Variants in ARK2C observed in about 807,000 individuals in gnomAD.
ARK2C encodes the protein E3 ubiquitin-protein ligase ARK2C.
the ARK2C span, among the ~76,000 whole-genome samples, chr18:46,419,919 A>C: frequency 6.6e-6 from 1 of 151,374 alleles, no homozygotes; most frequent in African/African-American, 2.4e-5. Context: ...TTCCTTTCTC[A>C]TGTATTTCCA....
the ARK2C span, among the ~76,000 whole-genome samples, chr18:46,400,217 C>T: frequency 6.6e-6 from 1 of 152,220 alleles, no homozygotes; most frequent in African/African-American, 2.4e-5. Flanking sequence ...ATGGGCTCTG[C>T]TCCTATACCC....
chr18:46,364,983 GT>G, the ARK2C span, among the ~76,000 whole-genome samples: 153 of 152,290 alleles, frequency 1.0e-3, 1 homozygote, highest in African/African-American at 3.4e-3. Context: ...TCAGAGGTCT[GT>G]TTCTCCCTCT....
the ARK2C span, among the ~76,000 whole-genome samples, chr18:46,454,176 A>T: frequency 6.6e-6 from 1 of 151,226 alleles, no homozygotes; most frequent in East Asian, 1.9e-4. Flanking sequence ...AGATATATAG[A>T]TTAGACAGCA....
the ARK2C span, among the ~76,000 whole-genome samples, chr18:46,417,488 C>A: frequency 1.3e-5 from 2 of 152,230 alleles, no homozygotes; most frequent in African/African-American, 4.8e-5. Flanking sequence ...GCCCAGAAAG[C>A]ACTTTGCCTG....
At chr18:46,447,893 G>A in the ARK2C span, among the ~76,000 whole-genome samples, 13 of 139,050 alleles carry the variant, frequency 9.3e-5, no homozygotes, top group Non-Finnish European at 1.5e-4. Flanking sequence ...GCCTTCTTGT[G>A]TCCTGGCTCC....
chr18:46,394,734 T>C, the ARK2C span, among the ~76,000 whole-genome samples: 2 of 152,252 alleles, frequency 1.3e-5, no homozygotes, highest in Admixed American at 6.5e-5. Flanking sequence ...CTTTCCTTCA[T>C]GTCCACACCA....
the ARK2C span, chr18:46,435,482 T>TTCACTTTGAA: frequency 2.7e-6 from 3 of 1,095,642 alleles, no homozygotes; most frequent in African/African-American, 4.6e-5. Flanking sequence ...TCTGTTTTCC[T>TTCACTTTGAA]TCACTTTGAA....
At chr18:46,389,328 C>A in the ARK2C span, among the ~76,000 whole-genome samples, 1 of 152,208 alleles carries the variant, frequency 6.6e-6, no homozygotes. Context: ...TCTTTCCCAA[C>A]AATGCTGATA....
chr18:46,458,480 A>G, the ARK2C span: 46,773 of 152,550 alleles, frequency 0.31, 7,869 homozygotes, highest in East Asian at 0.77. Context: ...AGACCGGGGT[A>G]AGGGGGACAG....
chr18:46,430,437 G>A, the ARK2C span, among the ~76,000 whole-genome samples: 2 of 152,100 alleles, frequency 1.3e-5, no homozygotes, highest in African/African-American at 2.4e-5. Flanking sequence ...GATGTCTTTC[G>A]GGTGGGTTCT....
At chr18:46,378,279 C>T in the ARK2C span, among the ~76,000 whole-genome samples, 5 of 152,164 alleles carry the variant, frequency 3.3e-5, no homozygotes, top group Non-Finnish European at 7.3e-5. Context: ...TTACACACAC[C>T]GTAGTTTCTC....
At chr18:46,406,715 C>T in the ARK2C span, among the ~76,000 whole-genome samples, 1 of 152,222 alleles carries the variant, frequency 6.6e-6, no homozygotes, top group African/African-American at 2.4e-5. Context: ...ACAGGTTGGG[C>T]ACAGGGCCAG....
chr18:46,440,208 G>A, the ARK2C span, among the ~76,000 whole-genome samples: 2 of 151,974 alleles, frequency 1.3e-5, no homozygotes, highest in African/African-American at 4.8e-5. Flanking sequence ...CTGTGGTTTC[G>A]CTTTCCAGGG....
At chr18:46,398,799 G>C in the ARK2C span, among the ~76,000 whole-genome samples, 1 of 152,052 alleles carries the variant, frequency 6.6e-6, no homozygotes, top group Non-Finnish European at 1.5e-5. Flanking sequence ...AGTGCTCCTG[G>C]TGGGGTGTGG....
chr18:46,400,183 A>T, the ARK2C span, among the ~76,000 whole-genome samples: 1 of 151,642 alleles, frequency 6.6e-6, no homozygotes, highest in African/African-American at 2.4e-5. Context: ...GATATTCCCG[A>T]CCCTCATGCT....
At chr18:46,353,539 C>T in the ARK2C span, among the ~76,000 whole-genome samples, 10 of 149,188 alleles carry the variant, frequency 6.7e-5, no homozygotes, top group Admixed American at 4.0e-4. Context: ...CCGTCCGCTA[C>T]CCCACTGTCA....
chr18:46,352,749 C>A, the ARK2C span, among the ~76,000 whole-genome samples: 5 of 152,272 alleles, frequency 3.3e-5, no homozygotes, highest in African/African-American at 1.2e-4. Flanking sequence ...GGTCACGTAA[C>A]CACCCTTAGC....
chr18:46,400,537 T>G, the ARK2C span, among the ~76,000 whole-genome samples: 184 of 152,150 alleles, frequency 1.2e-3, no homozygotes, highest in Non-Finnish European at 2.4e-3. Flanking sequence ...CTGTGTTAAG[T>G]GTTTGGGGAA....
the ARK2C span, among the ~76,000 whole-genome samples, chr18:46,352,829 C>T: frequency 3.9e-4 from 59 of 152,306 alleles, no homozygotes; most frequent in Non-Finnish European, 7.6e-4. Flanking sequence ...GTTGCATTAC[C>T]GTAGAAGGAG....
Sources: allele counts gnomAD v4.1 joint callset (sites outside exome capture counted in the v4.1 genomes callset), GRCh38; gene constraint gnomAD v4.1.1; transcripts MANE v1.5; gene names NCBI Gene and HGNC (gene_info 2026-07-23, HGNC 2026-07-21).